PTPRA: variants seen among roughly 807,000 people sequenced by gnomAD.
PTPRA encodes protein tyrosine phosphatase receptor type A.
Under a neutral mutation model 104.8 loss-of-function variants are expected in PTPRA, and 25 were observed. That is an observed-to-expected ratio of 0.24 (90% CI 0.17 to 0.33). The LOEUF (loss-of-function observed/expected upper bound fraction) is 0.33. PTPRA is among the 10% of genes least tolerant of loss of function. The pLI is 1.00. For synonymous variants in PTPRA, 323 were observed against 368.9 expected (o/e 0.88, Z 1.43); for missense variants, 765 against 1,015.3 (o/e 0.75, Z 3.35).
At chr20:2,980,826 T>A (rs2062642541) in intron 6 of PTPRA, among the ~76,000 whole-genome samples, 1 of 152,254 alleles carries the variant, frequency 6.6e-6, no homozygotes, top group African/African-American at 2.4e-5. Context: ...CTGTTTGAGC[T>A]ATGCCCTGGA....
At chr20:2,970,665 A>G (rs2062148791) in intron 5 of PTPRA, among the ~76,000 whole-genome samples, 2 of 152,238 alleles carry the variant, frequency 1.3e-5, no homozygotes, top group Non-Finnish European at 2.9e-5. Context: ...TCTGCATTGC[A>G]GAAGATATCA....
intron 9 of PTPRA, among the ~76,000 whole-genome samples, chr20:2,994,496 C>G (rs2063321631): frequency 6.6e-6 from 1 of 152,226 alleles, no homozygotes; most frequent in Non-Finnish European, 1.5e-5. Context: ...GTCCCTTCCA[C>G]TAGCATCTCA....
Position 3,013,289 on chromosome 20 carries a change from C to G in PTPRA, c.907-2560C>G, listed in dbSNP as rs183341022. Among the ~76,000 whole-genome samples the G allele has an allele frequency of 7.4e-4, 113 of 152,318 alleles. 1 individual carries two copies. The highest frequency in any genetic ancestry group is 2.6e-3 in the African/African-American group (109 of 41,564). On this transcript the variant is annotated intron_variant, in intron 11 of 23. Transcript: ENST00000399903. ...GTAGTTTGGGAAACACATAGGTCAGCTAACCTAACACTGTTCACAGGAGGA... is the reference window on the plus strand; with the variant it reads ...GTAGTTTGGGAAACACATAGGTCAGGTAACCTAACACTGTTCACAGGAGGA...
At chr20:2,990,641 G>A (rs1008087384) in intron 9 of PTPRA, among the ~76,000 whole-genome samples, 2 of 152,162 alleles carry the variant, frequency 1.3e-5, no homozygotes, top group Non-Finnish European at 2.9e-5. Flanking sequence ...TGAGGTGGGA[G>A]TATCGCTTGA....
At chr20:2,900,206 G>T (rs58220726) in intron 1 of PTPRA, among the ~76,000 whole-genome samples, 24,546 of 151,770 alleles carry the variant, frequency 0.16, 2,455 homozygotes, top group South Asian at 0.34. Context: ...CACCCAGGCG[G>T]TAGCGCAGTG....
intron 6 of PTPRA, among the ~76,000 whole-genome samples, chr20:2,976,292 ATTT>A (rs1375104804): frequency 6.6e-6 from 1 of 152,200 alleles, no homozygotes; most frequent in East Asian, 1.9e-4. Flanking sequence ...TGTGATAGAT[ATTT>A]ACTTGCTCCC....
intron 2 of PTPRA, among the ~76,000 whole-genome samples, chr20:2,931,011 G>A (rs1476619671): frequency 1.3e-5 from 2 of 152,192 alleles, no homozygotes; most frequent in Admixed American, 6.5e-5. Flanking sequence ...GGATGGGGTT[G>A]GAGAGATGTT....
At position 2,931,894 on chromosome 20, in the gene PTPRA, C is replaced by T. The variant is rs73606189; in HGVS notation, c.-50+8609C>T. ...CCAATGGCCCTGGCTTTTTAAAGGC[C>T]ATCATCTAGCACAGTGCCTGGCTTT... On this transcript the variant is annotated intron_variant, in intron 2 of 23. Coordinates refer to ENST00000399903, the MANE Select transcript of PTPRA (RefSeq NM_001385305.1). Among the ~76,000 whole-genome samples, 254 of 152,266 alleles carry T rather than the reference C, an allele frequency of 1.7e-3. 6 individuals carry two copies. The East Asian group carries it at 0.035, about 21-fold the overall frequency.
intron 1 of PTPRA, among the ~76,000 whole-genome samples, chr20:2,897,452 A>G (rs2059050262): frequency 7.7e-6 from 1 of 130,668 alleles, no homozygotes; most frequent in South Asian, 2.4e-4. Context: ...CAATGGCGTG[A>G]TCTCGTCTCA....
rs1051165300 is a variant in PTPRA, at chr20:2,881,957, G to C, written c.-129+8197G>C. Among the ~76,000 whole-genome samples, 11 of 152,104 alleles carry C rather than the reference G, an allele frequency of 7.2e-5. No homozygotes were observed. In the East Asian group the frequency reaches 2.1e-3, roughly 29 times the overall value. On this transcript the variant is annotated intron_variant, in intron 1 of 23. Coordinates refer to ENST00000399903, the MANE Select transcript of PTPRA (RefSeq NM_001385305.1). ...GGAGATTGCAGTGAGCTGAGGTTGC[G>C]CCGCTGTACTCCAGCCTGGGAGACA...
chr20:2,983,476 G>A (rs1400268150), intron 6 of PTPRA, among the ~76,000 whole-genome samples: 1 of 150,924 alleles, frequency 6.6e-6, no homozygotes, highest in African/African-American at 2.4e-5. Context: ...ACTCTGCTTT[G>A]TGGAGAATGG....
At chr20:2,888,097 G>T (rs556559) in intron 1 of PTPRA, among the ~76,000 whole-genome samples, 1 of 152,082 alleles carries the variant, frequency 6.6e-6, no homozygotes, top group African/African-American at 2.4e-5. Flanking sequence ...AGCTCAGGGA[G>T]ACTATACCTG....
intron 2 of PTPRA, among the ~76,000 whole-genome samples, chr20:2,933,809 G>A (rs1443327147): frequency 1.3e-5 from 2 of 151,608 alleles, no homozygotes; most frequent in Non-Finnish European, 2.9e-5. Flanking sequence ...TTCTTATTTT[G>A]ATTTATTTTC....
intron 3 of PTPRA, among the ~76,000 whole-genome samples, chr20:2,948,610 G>A (rs1228799720): frequency 2.0e-5 from 3 of 152,138 alleles, no homozygotes; most frequent in Non-Finnish European, 2.9e-5. Flanking sequence ...GGGCTGCCTG[G>A]TGTCAGCACT....
At chr20:2,887,553 T>C (rs2146923758) in intron 1 of PTPRA, among the ~76,000 whole-genome samples, 1 of 152,288 alleles carries the variant, frequency 6.6e-6, no homozygotes, top group Admixed American at 6.5e-5. Flanking sequence ...TTGGAAGAGA[T>C]GATTGCTAGT....
At chr20:2,880,714 G>T (rs2089997116) in intron 1 of PTPRA, among the ~76,000 whole-genome samples, 2 of 152,144 alleles carry the variant, frequency 1.3e-5, no homozygotes, top group South Asian at 4.1e-4. Flanking sequence ...CTTGCTTTAA[G>T]ATTCCTTTTA....
intron 2 of PTPRA, among the ~76,000 whole-genome samples, chr20:2,925,329 G>C (rs957244653): frequency 3.9e-5 from 6 of 152,166 alleles, no homozygotes; most frequent in Non-Finnish European, 8.8e-5. Context: ...TTTCACAAAG[G>C]TATCTTGTTT....
intron 13 of PTPRA, 148 bp downstream of exon 13, chr20:3,018,061 C>T (rs2064556678): frequency 1.5e-6 from 1 of 680,710 alleles, no homozygotes. Flanking sequence ...TTTGCTATGG[C>T]CTGGAAGCCC....
intron 1 of PTPRA, among the ~76,000 whole-genome samples, chr20:2,875,592 A>G (rs1244550065): frequency 2.0e-5 from 3 of 152,222 alleles, no homozygotes; most frequent in Admixed American, 2.0e-4. Context: ...GGACAGGTGG[A>G]TATAAATACA....
Sources: gnomAD v4.1 joint callset for allele counts (sites outside exome capture counted in the v4.1 genomes callset) on GRCh38, gnomAD v4.1.1 for gene constraint, MANE v1.5 for transcripts, NCBI Gene and HGNC (gene_info 2026-07-23, HGNC 2026-07-21) for gene names.